SPECC1: variants seen among roughly 807,000 people sequenced by gnomAD.
SPECC1 encodes sperm antigen with calponin homology and coiled-coil domains 1, also known as cytospin-B.
Under a neutral mutation model 104.1 loss-of-function variants are expected in SPECC1, and 62 were observed. The ratio of observed to expected loss-of-function variants is 0.60; its 90% confidence interval spans 0.49 to 0.74. The LOEUF is 0.74. SPECC1 is among the 30% of genes least tolerant of loss of function. SPECC1 has a pLI of 0.00. For synonymous variants in SPECC1, 513 were observed against 501.6 expected (o/e 1.02, Z -0.30); for missense variants, 1,306 against 1,310.5 (o/e 1.00, Z 0.05).
At position 20,317,192 on chromosome 17, in the gene SPECC1, A is replaced by ATTT. The variant is rs2042051581; in HGVS notation, c.*3129_*3130insTTT. The stretch of plus-strand genomic sequence containing the variant: ...CACTTTGGGAGGCTGAGGTGGGAGG[A>ATTT]TTGCTTGAGCCCAGGAGTTTGAGAC... On this transcript the variant is annotated 3_prime_UTR_variant, in exon 15 of 15. Transcript: ENST00000395527. 1.3e-5 allele frequency: 2 copies of ATTT among 158,460 alleles called. No homozygotes were observed. Among genetic ancestry groups the ATTT allele is most frequent in the East Asian group, 2.9e-4 (2 of 6,826 alleles). The allele number at this position is 158,460 out of a possible 1,614,324, so 9.8% of individuals were successfully genotyped here. A position where few individuals can be genotyped will look rare whatever the true frequency, so the allele number is the denominator to read the frequency against.
chr17:20,303,502 C>T (rs2041659661), intron 13 of SPECC1, among the ~76,000 whole-genome samples: 1 of 152,144 alleles, frequency 6.6e-6, no homozygotes. Context: ...GACCTGGTGC[C>T]TAGAGTTTGC....
At chr17:20,078,309 T>C (rs555721810) in intron 1 of SPECC1, among the ~76,000 whole-genome samples, 2 of 151,646 alleles carry the variant, frequency 1.3e-5, no homozygotes, top group East Asian at 3.9e-4. Context: ...CAAAGAGTAC[T>C]ACTCATAATA....
At chr17:20,061,800 T>C (rs1469036635) in intron 1 of SPECC1, among the ~76,000 whole-genome samples, 2 of 152,238 alleles carry the variant, frequency 1.3e-5, no homozygotes, top group African/African-American at 4.8e-5. Context: ...CTAGGCACTC[T>C]GAAAGACAAG....
intron 3 of SPECC1, among the ~76,000 whole-genome samples, chr17:20,140,290 C>G (rs2030615194): frequency 6.6e-6 from 1 of 152,160 alleles, no homozygotes; most frequent in South Asian, 2.1e-4. Context: ...TTTTAAACAT[C>G]TTTCCATTCT....
chr17:20,127,428 T>C (rs2049367398), intron 3 of SPECC1, among the ~76,000 whole-genome samples: 1 of 149,166 alleles, frequency 6.7e-6, no homozygotes, highest in Non-Finnish European at 1.5e-5. Flanking sequence ...TGTGTGGTTA[T>C]CAGGTCATCT....
At chr17:20,104,520 A>T (rs1207429209) in intron 2 of SPECC1, among the ~76,000 whole-genome samples, 1 of 152,010 alleles carries the variant, frequency 6.6e-6, no homozygotes, top group Non-Finnish European at 1.5e-5. Context: ...AGGCAGGTGG[A>T]TCACCTGAGG....
chr17:20,237,292 TG>T (rs1279680148), intron 7 of SPECC1: 6 of 1,096,236 alleles, frequency 5.5e-6, no homozygotes, highest in African/African-American at 1.7e-5. Context: ...TTTTTGTTGT[TG>T]TTGTTGTTGT....
intron 1 of SPECC1, among the ~76,000 whole-genome samples, chr17:20,073,915 C>T (rs4341795): frequency 0.29 from 43,970 of 151,972 alleles, 6,872 homozygotes; most frequent in Middle Eastern, 0.43. Flanking sequence ...TTGAAACCCA[C>T]CTTTTGACGT....
intron 1 of SPECC1, among the ~76,000 whole-genome samples, chr17:20,056,056 C>G (rs1567816248): frequency 1.3e-5 from 2 of 152,140 alleles, no homozygotes; most frequent in Non-Finnish European, 2.9e-5. Context: ...AATTCCAAGT[C>G]TTAGTTTGGG....
intron 1 of SPECC1, among the ~76,000 whole-genome samples, chr17:20,059,492 G>A (rs1434297361): frequency 6.6e-6 from 1 of 152,132 alleles, no homozygotes; most frequent in South Asian, 2.1e-4. Flanking sequence ...TGGGGGTTGG[G>A]GACCCCTGAT....
In SPECC1 at chr17:20,221,207, T is replaced by C. The variant is rs2037853600; in HGVS notation, c.1864-6206T>C. ...ATTGGTTTGGAAACATTCCCTTCTC[T>C]TCTATTTCTTGGAATAGTTTGAATA... On this transcript the variant is annotated intron_variant, in intron 4 of 14. Coordinates refer to ENST00000395527, the MANE Select transcript of SPECC1 (RefSeq NM_001243439.2). 2.0e-5 allele frequency among the ~76,000 whole-genome samples: 3 copies of C among 152,230 alleles called. No homozygotes were observed. The South Asian group carries it at 6.2e-4, about 31-fold the overall frequency.
chr17:20,034,027 T>G (rs1029413684), intron 1 of SPECC1, among the ~76,000 whole-genome samples: 1 of 152,226 alleles, frequency 6.6e-6, no homozygotes, highest in African/African-American at 2.4e-5. Context: ...GCATAAAAAT[T>G]GCTCTAAATA....
chr17:20,165,500 A>G (rs1029136615), intron 3 of SPECC1, among the ~76,000 whole-genome samples: 9 of 152,192 alleles, frequency 5.9e-5, no homozygotes, highest in Non-Finnish European at 2.9e-5. Flanking sequence ...CTATTGTGAA[A>G]AATGCTGCAG....
intron 1 of SPECC1, among the ~76,000 whole-genome samples, chr17:20,095,321 C>T (rs1208423404): frequency 6.6e-6 from 1 of 152,186 alleles, no homozygotes. Context: ...AATTATGTAA[C>T]TGAATCATTA....
chr17:20,316,229 T>A lies in SPECC1; in HGVS notation c.*2164T>A, dbSNP rs1437522496. On this transcript the variant is annotated 3_prime_UTR_variant, in exon 15 of 15. Coordinates refer to ENST00000395527, the MANE Select transcript of SPECC1 (RefSeq NM_001243439.2). The stretch of plus-strand genomic sequence containing the variant: ...ACCATTAAAGTGGGGGAAAGTAATA[T>A]CCCAAGTAGTTGAGTTGAGCTGTTG... 5.5e-6 allele frequency: 1 copy of A among 181,750 alleles called. No individual in the cohort carries two copies. The highest frequency in any genetic ancestry group is 1.1e-5 in the Non-Finnish European group (1 of 89,400). The allele number at this position is 181,750 out of a possible 1,614,324, so 11.3% of individuals were successfully genotyped here. A position where few individuals can be genotyped will look rare whatever the true frequency, so the allele number is the denominator to read the frequency against.
intron 1 of SPECC1, among the ~76,000 whole-genome samples, chr17:20,042,382 A>G (rs990512335): frequency 2.0e-5 from 3 of 152,024 alleles, no homozygotes; most frequent in African/African-American, 7.2e-5. Context: ...AGGTGGCCTC[A>G]TTATCTCTGG....
Position 20,227,578 on chromosome 17 carries a change from G to T in SPECC1, c.2029G>T (p.Ala677Ser). 2 of 1,611,370 alleles carry T rather than the reference G, an allele frequency of 1.2e-6. No individual in the cohort carries two copies. Among genetic ancestry groups the T allele is most frequent in the Non-Finnish European group, 1.7e-6 (2 of 1,179,432 alleles). Residue 677 changes from alanine to serine, a missense_variant, in exon 5 of 15, where the codon GCT becomes TCT. By Grantham distance (99) the Ala-to-Ser change is moderately conservative (BLOSUM62 1). Transcript: ENST00000395527. The part of the protein sequence containing the change: ...ELEDQVEQHR[A>S]VKLHNNQLIS... ...GGAAGATCAGGTGGAACAGCACCGG[G>T]CTGTCAAGTTACACAATAATCAACT...
intron 3 of SPECC1, among the ~76,000 whole-genome samples, chr17:20,149,589 A>G (rs954185423): frequency 5.3e-5 from 8 of 152,212 alleles, no homozygotes; most frequent in Admixed American, 5.2e-4. Context: ...AATTCATGGA[A>G]GCTTGCACCT....
intron 3 of SPECC1, among the ~76,000 whole-genome samples, chr17:20,156,998 C>T (rs2032635030): frequency 6.6e-6 from 1 of 151,746 alleles, no homozygotes; most frequent in African/African-American, 2.4e-5. Flanking sequence ...GGTGGGGGGC[C>T]GGTGACAGGT....
Sources: allele counts gnomAD v4.1 joint callset (sites outside exome capture counted in the v4.1 genomes callset), GRCh38; gene constraint gnomAD v4.1.1; transcripts MANE v1.5; gene names NCBI Gene and HGNC (gene_info 2026-07-23, HGNC 2026-07-21).